Variants in TMEM212 observed in about 807,000 individuals in gnomAD.
TMEM212 encodes transmembrane protein 212.
A neutral mutation model predicts 20.5 loss-of-function variants in TMEM212; 23 were observed. The observed-to-expected ratio is 1.12, with a 90% CI of 0.81 to 1.59. The LOEUF is 1.59. Among genes scored for constraint, TMEM212 ranks in the 40% most tolerant of loss-of-function variants. TMEM212 has a pLI of 0.00. For synonymous variants in TMEM212, 76 were observed against 81.6 expected (o/e 0.93, Z 0.37); for missense variants, 211 against 215.0 (o/e 0.98, Z 0.12).
chr3:171,854,517 G>C (rs1725066323), intron 3 of TMEM212, among the ~76,000 whole-genome samples: 1 of 151,948 alleles, frequency 6.6e-6, no homozygotes. Context: ...AAATAAAAAG[G>C]TATCCCATAA....
rs372251441 is a variant in TMEM212 at position 171,856,391 on chromosome 3, T to G, written c.544-272T>G. On this transcript the variant is annotated intron_variant, in intron 3 of 4. Transcript: ENST00000334567. The stretch of plus-strand genomic sequence containing the variant: ...TAAACTGGATAAGTGACACTGTAAG[T>G]GCTGCTTGCCCTGAGAAGAGGACTG... Among the ~76,000 whole-genome samples, 201 of 152,298 alleles carry G rather than the reference T, an allele frequency of 1.3e-3. 1 individual carries two copies. Among genetic ancestry groups the G allele is most frequent in the African/African-American group, 4.8e-3 (198 of 41,564 alleles).
chr3:171,854,974 T>A (rs569579273), intron 3 of TMEM212, among the ~76,000 whole-genome samples: 44 of 152,186 alleles, frequency 2.9e-4, no homozygotes, highest in South Asian at 1.7e-3. Flanking sequence ...AAATTTTTTT[T>A]AAAAAAGGGG....
rs1343811101 is a variant in TMEM212 at position 171,853,695 on chromosome 3, A to C, written c.388A>C (p.Lys130Gln). The change falls in exon 3 of 5, where the codon AAA becomes CAA. Residue 130 changes from lysine (K) to glutamine (Q), a missense_variant. Lys to Gln is a moderately conservative substitution (Grantham distance 53). Transcript: ENST00000334567. ...AGTTACCTTTCCTTATCCATATGCA[A>C]AATTCCCATTAGCCTGTGTGGACCC... Reference protein sequence around the residue: ...YAVTFPYPYAKFPLACVDPPH... With the variant: ...YAVTFPYPYAQFPLACVDPPH... The C allele has an allele frequency of 2.0e-6, 3 of 1,537,396 alleles. No homozygotes were observed. In the African/African-American group the frequency reaches 4.1e-5, roughly 21 times the overall value.
At chr3:171,848,813 G>A (rs193052863) in intron 1 of TMEM212, among the ~76,000 whole-genome samples, 8 of 151,342 alleles carry the variant, frequency 5.3e-5, no homozygotes, top group South Asian at 4.2e-4. Context: ...AAATGTATTC[G>A]TTATTGTGGC....
intron 3 of TMEM212, 114 bp downstream of exon 3, chr3:171,853,964 C>A: frequency 2.5e-6 from 2 of 784,936 alleles, no homozygotes; most frequent in Non-Finnish European, 2.0e-6. Context: ...ATCCCATATG[C>A]TTTTGATATC....
chr3:171,845,168 T>G (rs1724803795), intron 1 of TMEM212, among the ~76,000 whole-genome samples: 1 of 152,236 alleles, frequency 6.6e-6, no homozygotes, highest in Non-Finnish European at 1.5e-5. Context: ...CAGTTACACT[T>G]ATTCAAGTGG....
In TMEM212 at chr3:171,853,866, G is replaced by A. The variant is rs752138955; in HGVS notation, c.543+16G>A. 7.9e-6 allele frequency: 12 copies of A among 1,523,914 alleles called. No homozygotes were observed. The Admixed American group carries it at 2.2e-4, about 28-fold the overall frequency. The allele number at this position is 1,523,914 out of a possible 1,614,324, so 94.4% of individuals were successfully genotyped here. On this transcript the variant is annotated intron_variant, in intron 3 of 4. Coordinates refer to ENST00000334567, the MANE Select transcript of TMEM212 (RefSeq NM_001164436.2). ...ACACATAAACGTAAGTTTCAACAAA[G>A]GGGAGGCAGGTTCTTGTTCCATCTT...
chr3:171,844,998 G>C (rs1656138017), intron 1 of TMEM212, among the ~76,000 whole-genome samples: 1 of 152,088 alleles, frequency 6.6e-6, no homozygotes, highest in Non-Finnish European at 1.5e-5. Context: ...GGAAACCACA[G>C]GGTTATCTTT....
chr3:171,851,046 A>G (rs1560326464), intron 1 of TMEM212, among the ~76,000 whole-genome samples: 1 of 152,216 alleles, frequency 6.6e-6, no homozygotes, highest in African/African-American at 2.4e-5. Flanking sequence ...GATTGTGTAC[A>G]TACAGTCATG....
At chr3:171,855,955 TTAAA>T (rs1231025369) in intron 3 of TMEM212, among the ~76,000 whole-genome samples, 7 of 152,168 alleles carry the variant, frequency 4.6e-5, no homozygotes, top group Non-Finnish European at 8.8e-5. Context: ...TTTCCTCTAG[TTAAA>T]AACTATTTAA....
chr3:171,847,128 G>A (rs1023541997), intron 1 of TMEM212, among the ~76,000 whole-genome samples: 1 of 152,198 alleles, frequency 6.6e-6, no homozygotes. Context: ...TTGGAGCTAG[G>A]TTATTTAAAA....
chr3:171,852,973 C>T (rs2108381432), intron 2 of TMEM212, among the ~76,000 whole-genome samples: 1 of 152,320 alleles, frequency 6.6e-6, no homozygotes, highest in African/African-American at 2.4e-5. Context: ...GAATGATGGA[C>T]CACATCCTGA....
chr3:171,853,778 T>C lies in TMEM212; in HGVS notation c.471T>C (p.Phe157=). The C allele has an allele frequency of 6.5e-7, 1 of 1,537,256 alleles. No individual in the cohort carries two copies. The highest frequency in any genetic ancestry group is 8.7e-7 in the Non-Finnish European group (1 of 1,146,876). ...AAGCCCTAGACCTGTGCCTAAGCTT[T>C]ACCCTACTCTGTACATCCTTGACAG... is the stretch of plus-strand genomic sequence containing the variant. ...TLQALDLCLS[F]TLLCTSLTVF... Residue 157 remains phenylalanine, a synonymous_variant, in exon 3 of 5, where the codon TTT becomes TTC. Transcript: ENST00000334567.
intron 3 of TMEM212, 123 bp from the exon 4 acceptor site, chr3:171,856,540 T>C: frequency 4.0e-6 from 2 of 500,484 alleles, no homozygotes; most frequent in Non-Finnish European, 7.1e-6. Context: ...AATACACCCA[T>C]TAGCCAGGTC....
chr3:171,844,674 C>G (rs537746200), intron 1 of TMEM212, among the ~76,000 whole-genome samples: 7 of 152,160 alleles, frequency 4.6e-5, no homozygotes, highest in Non-Finnish European at 8.8e-5. Context: ...CCACTGCACT[C>G]CAGCCTGGGT....
At chr3:171,846,577 T>G (rs1454805883) in intron 1 of TMEM212, among the ~76,000 whole-genome samples, 2 of 152,196 alleles carry the variant, frequency 1.3e-5, no homozygotes, top group Admixed American at 6.5e-5. Flanking sequence ...AATGAGTGAA[T>G]GAATCTCATA....
chr3:171,855,456 T>C (rs1725092481), intron 3 of TMEM212, among the ~76,000 whole-genome samples: 1 of 152,134 alleles, frequency 6.6e-6, no homozygotes, highest in East Asian at 1.9e-4. Context: ...CTACTAAAAA[T>C]ACACAAAAAA....
intron 1 of TMEM212, 107 bp from the exon 2 acceptor site, chr3:171,851,875 C>G: frequency 1.0e-6 from 1 of 983,574 alleles, no homozygotes; most frequent in Non-Finnish European, 1.5e-6. Flanking sequence ...GAGTCATTTT[C>G]TGTTCCTTCA....
rs1422094867 is a variant in TMEM212, at chr3:171,843,443, A to G, written c.60A>G (p.Val20=). 6.5e-7 allele frequency: 1 copy of G among 1,537,046 alleles called. No homozygotes were observed. The change falls in exon 1 of 5, where the codon GTA becomes GTG. Residue 20 remains valine, a synonymous_variant. Coordinates refer to ENST00000334567, the MANE Select transcript of TMEM212 (RefSeq NM_001164436.2). ...RILVTLGILS[V]CSGVIAFFPV... ...TTGTTACTCTGGGGATCCTCAGTGTATGCTCTGGAGTTATTGCTTTCTTTC... is the reference window on the plus strand; with the variant it reads ...TTGTTACTCTGGGGATCCTCAGTGTGTGCTCTGGAGTTATTGCTTTCTTTC...
Sources: allele counts gnomAD v4.1 joint callset (sites outside exome capture counted in the v4.1 genomes callset), GRCh38; gene constraint gnomAD v4.1.1; transcripts MANE v1.5; gene names NCBI Gene and HGNC (gene_info 2026-07-23, HGNC 2026-07-21).